The following KLHL29 variants were observed in gnomAD, a reference collection of about 807,000 sequenced individuals.
The protein encoded by KLHL29 is kelch like family member 29, also known as kelch-like protein 29.
KLHL29 carries 21 observed loss-of-function variants against 80.4 expected under a neutral mutation model. The ratio of observed to expected loss-of-function variants is 0.26; its 90% confidence interval spans 0.19 to 0.38. The LOEUF (loss-of-function observed/expected upper bound fraction) is 0.38. KLHL29 is among the 10% of genes least tolerant of loss of function. The pLI, the probability that KLHL29 is intolerant of heterozygous loss-of-function variation, is 1.00. For missense variants in KLHL29, 867 were observed against 1,223.9 expected, an observed-to-expected ratio of 0.71 and a Z score of 4.35; for synonymous variants, 511 against 526.8, an observed-to-expected ratio of 0.97 and a Z score of 0.41.
intron 1 of KLHL29, among the ~76,000 whole-genome samples, chr2:23,468,691 A>G (rs1664416995): frequency 6.6e-6 from 1 of 152,000 alleles, no homozygotes; most frequent in Non-Finnish European, 1.5e-5. Flanking sequence ...GTCTGGCTAG[A>G]GGGCTTGTGG....
chr2:23,515,924 T>C (rs1338743731), intron 2 of KLHL29, among the ~76,000 whole-genome samples: 1 of 152,216 alleles, frequency 6.6e-6, no homozygotes, highest in Admixed American at 6.5e-5. Flanking sequence ...TGTTGATTGA[T>C]AGCTGTCCCC....
chr2:23,387,764 A>G (rs1222692951), intron 1 of KLHL29, among the ~76,000 whole-genome samples: 3 of 152,152 alleles, frequency 2.0e-5, no homozygotes, highest in African/African-American at 4.8e-5. Flanking sequence ...CGTCCCATAC[A>G]TTGTGCTGGA....
chr2:23,675,582 C>T (rs1387518936), intron 5 of KLHL29, among the ~76,000 whole-genome samples: 1 of 152,224 alleles, frequency 6.6e-6, no homozygotes, highest in East Asian at 1.9e-4. Flanking sequence ...TGCAGAGCGA[C>T]CTCAAGGGCT....
intron 1 of KLHL29, among the ~76,000 whole-genome samples, chr2:23,468,895 A>G (rs1468942298): frequency 2.0e-5 from 3 of 152,196 alleles, no homozygotes; most frequent in African/African-American, 7.2e-5. Context: ...TCCAGACTTG[A>G]GGTGGCCTCT....
intron 5 of KLHL29, among the ~76,000 whole-genome samples, chr2:23,665,506 T>G (rs1274560508): frequency 2.0e-5 from 3 of 152,204 alleles, no homozygotes; most frequent in African/African-American, 7.2e-5. Flanking sequence ...GAGCTTACCT[T>G]TTCAACTAGG....
At chr2:23,597,305 A>ATGTGTGTGTGTGTGTGTGTGTGTGTGTG (rs1414492384) in intron 3 of KLHL29, among the ~76,000 whole-genome samples, 1 of 97,610 alleles carries the variant, frequency 1.0e-5, no homozygotes, top group Non-Finnish European at 1.9e-5. Context: ...TCATATATAT[A>ATGTGTGTGTGTGTGTGTGTGTGTGTGTG]TATATGTGTG....
chr2:23,556,146 G>A (rs1459680798), intron 2 of KLHL29, among the ~76,000 whole-genome samples: 1 of 152,224 alleles, frequency 6.6e-6, no homozygotes, highest in East Asian at 1.9e-4. Context: ...GTGGGGAGGT[G>A]CATCACAGAG....
chr2:23,533,644 T>C (rs530364080), intron 2 of KLHL29, among the ~76,000 whole-genome samples: 2 of 152,286 alleles, frequency 1.3e-5, no homozygotes, highest in African/African-American at 2.4e-5. Context: ...GCGTTTGGGC[T>C]GGGTGATGGC....
In KLHL29 at chr2:23,681,020, T is replaced by C. The variant is rs1440578164; in HGVS notation, c.941-3379T>C. 6.6e-6 allele frequency among the ~76,000 whole-genome samples: 1 copy of C among 151,950 alleles called. No individual in the cohort carries two copies. The highest frequency in any genetic ancestry group is 1.5e-5 in the Non-Finnish European group (1 of 67,990). On this transcript the variant is annotated intron_variant, in intron 5 of 13. Coordinates refer to ENST00000486442, the MANE Select transcript of KLHL29 (RefSeq NM_052920.2). The surrounding 1 kb of genome is among the most constrained non-coding windows in gnomAD (Gnocchi z 4.2). ...TGGAAGCTTCTCAGAGATCAGGGAG[T>C]GTCCTTTGCCAAAACATGGGGCAGG...
chr2:23,468,114 A>G (rs1050786510), intron 1 of KLHL29, among the ~76,000 whole-genome samples: 9 of 152,114 alleles, frequency 5.9e-5, no homozygotes, highest in African/African-American at 2.2e-4. Flanking sequence ...TCTCAGAACA[A>G]CCATCGATGT....
At chr2:23,458,074 G>A (rs911632306) in intron 1 of KLHL29, among the ~76,000 whole-genome samples, 5 of 152,150 alleles carry the variant, frequency 3.3e-5, no homozygotes, top group Admixed American at 2.0e-4. Flanking sequence ...AAAAGCGTGA[G>A]GGTCAGCATG....
At chr2:23,552,860 A>G (rs939866098) in intron 2 of KLHL29, among the ~76,000 whole-genome samples, 3 of 146,340 alleles carry the variant, frequency 2.1e-5, no homozygotes, top group African/African-American at 7.7e-5. Flanking sequence ...CCCAGGTTCA[A>G]GCGATTCTCC....
intron 1 of KLHL29, among the ~76,000 whole-genome samples, chr2:23,439,585 G>C (rs1235171879): frequency 6.6e-6 from 1 of 152,104 alleles, no homozygotes; most frequent in Non-Finnish European, 1.5e-5. Context: ...AGTCATTCAG[G>C]AGCAGCTTGT....
chr2:23,418,733 C>G (rs1258692542), intron 1 of KLHL29, among the ~76,000 whole-genome samples: 2 of 152,042 alleles, frequency 1.3e-5, no homozygotes, highest in African/African-American at 2.4e-5. Context: ...GTGACTTAAC[C>G]CCTCTGAGTC....
intron 1 of KLHL29, among the ~76,000 whole-genome samples, chr2:23,431,420 G>C (rs956194990): frequency 6.6e-6 from 1 of 152,190 alleles, no homozygotes; most frequent in Non-Finnish European, 1.5e-5. Flanking sequence ...GGCTCAAAAT[G>C]GGGAAAGAAT....
chr2:23,586,464 A>G (rs1462822543), intron 3 of KLHL29, among the ~76,000 whole-genome samples: 1 of 149,366 alleles, frequency 6.7e-6, no homozygotes, highest in Non-Finnish European at 1.5e-5. Flanking sequence ...GGTTCAAGCA[A>G]TCCTTCTGCC....
chr2:23,441,829 G>A (rs1419489850), intron 1 of KLHL29, among the ~76,000 whole-genome samples: 1 of 152,138 alleles, frequency 6.6e-6, no homozygotes, highest in African/African-American at 2.4e-5. Context: ...GATACTAAAA[G>A]TTCTAAGAGA....
At position 23,696,404 on chromosome 2, in the gene KLHL29, G is replaced by A. The variant is rs1671961129; in HGVS notation, c.1996G>A (p.Val666Ile). 5.8e-6 allele frequency: 9 copies of A among 1,551,524 alleles called. No individual in the cohort carries two copies. Among genetic ancestry groups the A allele is most frequent in the East Asian group, 2.4e-5 (1 of 40,910 alleles). Residue 666 changes from valine to isoleucine, a missense_variant, in exon 11 of 14, where the codon GTC becomes ATC. Physicochemically the swap from Val to Ile is conservative, Grantham distance 29 (BLOSUM62 3). Transcript: ENST00000486442. This position sits in a 1 kb window ranked among gnomAD's most constrained non-coding sequence, Gnocchi z 5.5. Reference protein sequence around the residue: ...YMSLLDNWNLVSRMTVPRCRH... With the variant: ...YMSLLDNWNLISRMTVPRCRH... The stretch of plus-strand genomic sequence containing the variant: ...GTCCCTGCTTGATAACTGGAACCTC[G>A]TCTCCAGAATGACAGTCCCCCGCTG...
At chr2:23,550,099 C>T (rs977565505) in intron 2 of KLHL29, among the ~76,000 whole-genome samples, 12 of 152,228 alleles carry the variant, frequency 7.9e-5, no homozygotes, top group African/African-American at 2.4e-4. Flanking sequence ...TCCTGAACAG[C>T]CCTCCCTCCC....
Sources: gnomAD v4.1 joint callset for allele counts (sites outside exome capture counted in the v4.1 genomes callset) on GRCh38, gnomAD v4.1.1 for gene constraint, Gnocchi (gnomAD v3.1) non-coding constraint, MANE v1.5 for transcripts, NCBI Gene and HGNC (gene_info 2026-07-23, HGNC 2026-07-21) for gene names.